Variants in POM121 observed in about 807,000 individuals in gnomAD.
The protein encoded by POM121 is POM121 transmembrane nucleoporin, also known as nuclear envelope pore membrane protein POM 121.
A neutral mutation model predicts 81.3 loss-of-function variants in POM121; 32 were observed. The observed-to-expected ratio is 0.39, with a 90% CI of 0.30 to 0.53. The LOEUF is 0.53. Among genes scored for constraint, POM121 ranks in the 20% least tolerant of loss-of-function variants. POM121 has a pLI of 0.66. For missense variants in POM121, 1,138 were observed against 1,614.6 expected, an observed-to-expected ratio of 0.70 and a Z score of 5.06; for synonymous variants, 514 against 694.2, an observed-to-expected ratio of 0.74 and a Z score of 4.08.
chr7:72,946,527 C>G lies in POM121; in HGVS notation c.*293C>G. ...ACACCTGTACATAGTGTCCGCTGCC[C>G]TGACTCCCGCTTAGCACACCCTTAG... On this transcript the variant is annotated 3_prime_UTR_variant, in exon 13 of 13. Coordinates refer to ENST00000434423, the MANE Select transcript of POM121 (RefSeq NM_001387691.1). 1 of 1,155,502 alleles carries G rather than the reference C, an allele frequency of 8.7e-7. No homozygotes were observed. The highest frequency in any genetic ancestry group is 1.1e-6 in the Non-Finnish European group (1 of 936,194). 71.6% of individuals were successfully genotyped at this position (1,155,502 alleles called of 1,614,324 possible).
At chr7:72,921,634 ACT>A (rs1794826008), upstream of POM121, among the ~76,000 whole-genome samples, 1 of 152,272 alleles carries the variant, frequency 6.6e-6, no homozygotes, top group African/African-American at 2.4e-5. Flanking sequence ...GCCAAGTTGT[ACT>A]GTTTTATATA....
intron 4 of POM121, 109 bp downstream of exon 4, chr7:72,928,574 C>G: frequency 7.5e-7 from 1 of 1,330,928 alleles, no homozygotes; most frequent in Non-Finnish European, 1.1e-6. Context: ...TTAATTGGTT[C>G]AGGTTCACGT....
intron 11 of POM121, among the ~76,000 whole-genome samples, chr7:72,945,194 G>A (rs1797550507): frequency 6.6e-6 from 1 of 152,174 alleles, no homozygotes; most frequent in African/African-American, 2.4e-5. Context: ...GACGCGGGAC[G>A]GACAAACCAG....
rs532238690 is a variant in POM121 at position 72,882,844 on chromosome 7, T to A, written c.-521+2959T>A. On this transcript the variant is annotated intron_variant, in intron 1 of 15. Transcript: ENST00000395270. ...ACTTTGCTAAGTCAGTCAGTAAAGG[T>A]GACCAGTGATTTAATTGCAGTCAAA... Among the ~76,000 whole-genome samples, 103 of 152,316 alleles carry A rather than the reference T, an allele frequency of 6.8e-4. 1 individual carries two copies. Among genetic ancestry groups the A allele is most frequent in the Admixed American group, 5.1e-3 (78 of 15,298 alleles).
chr7:72,943,555 C>T lies in POM121; in HGVS notation c.3529+33C>T, dbSNP rs782755694. The T allele has an allele frequency of 1.9e-5, 30 of 1,596,610 alleles. 2 individuals are homozygous for T. The South Asian group carries it at 2.2e-4, about 11-fold the overall frequency. On this transcript the variant is annotated intron_variant, in intron 11 of 12. Transcript: ENST00000434423. ...GGGGCGTGGACTTGGGCTACCGGGC[C>T]GGACACTGAAAAGCTGTGCCTGCGA... is the stretch of plus-strand genomic sequence containing the variant.
chr7:72,937,293 T>TG (rs2129579389), intron 5 of POM121, among the ~76,000 whole-genome samples: 2 of 152,290 alleles, frequency 1.3e-5, no homozygotes, highest in South Asian at 4.1e-4. Flanking sequence ...AGCCGTCCTT[T>TG]GAGAACCAGT....
intron 1 of POM121, among the ~76,000 whole-genome samples, chr7:72,880,860 T>A (rs1307183925): frequency 7.0e-6 from 1 of 142,972 alleles, no homozygotes; most frequent in Middle Eastern, 3.2e-3. Flanking sequence ...CACTCCAGCC[T>A]GGGTGGCAGA....
At chr7:72,924,932 G>A, upstream of POM121, 1 of 1,067,594 alleles carries the variant, frequency 9.4e-7, no homozygotes, top group Non-Finnish European at 1.2e-6. Flanking sequence ...GAGCCACGCG[G>A]AAAACCTCAA....
At chr7:72,907,606 GT>G (rs1273705830) in intron 3 of POM121, among the ~76,000 whole-genome samples, 1 of 151,936 alleles carries the variant, frequency 6.6e-6, no homozygotes, top group African/African-American at 2.4e-5. Flanking sequence ...CACCTCCCTG[GT>G]TCAAGTGATT....
At chr7:72,938,221 ATTTTC>A (rs568711478) in intron 5 of POM121, among the ~76,000 whole-genome samples, 201 of 143,832 alleles carry the variant, frequency 1.4e-3, no homozygotes, top group African/African-American at 4.2e-3. Flanking sequence ...AATTTTTTTC[ATTTTC>A]TTTTCTTTTT....
downstream of POM121, chr7:72,949,274 A>G: frequency 1.2e-6 from 1 of 837,922 alleles, no homozygotes; most frequent in Non-Finnish European, 2.1e-6. Context: ...GCTGCTGTGG[A>G]CCTCTGAGTC....
At chr7:72,924,070 C>T (rs1265209499), upstream of POM121, among the ~76,000 whole-genome samples, 1 of 151,868 alleles carries the variant, frequency 6.6e-6, no homozygotes, top group Non-Finnish European at 1.5e-5. Flanking sequence ...CTCAGCCTCC[C>T]AAGTTGCTGG....
At chr7:72,932,730 C>T (rs1163526222) in intron 5 of POM121, among the ~76,000 whole-genome samples, 14 of 152,106 alleles carry the variant, frequency 9.2e-5, no homozygotes, top group Non-Finnish European at 1.9e-4. Context: ...TATTGTAGCT[C>T]TGGGCTTTTA....
chr7:72,949,768 C>G, downstream of POM121: 1 of 907,086 alleles, frequency 1.1e-6, no homozygotes, highest in Non-Finnish European at 1.9e-6. Context: ...AAGCGAAAGT[C>G]ATCCTTTCAG....
chr7:72,880,152 C>T (rs1554489068), intron 1 of POM121, among the ~76,000 whole-genome samples: 1 of 152,198 alleles, frequency 6.6e-6, no homozygotes, highest in African/African-American at 2.4e-5. Context: ...AGTCCTTCCT[C>T]CTCCTCTCTG....
chr7:72,894,407 G>A (rs1791642094), intron 3 of POM121, among the ~76,000 whole-genome samples: 1 of 151,748 alleles, frequency 6.6e-6, no homozygotes, highest in African/African-American at 2.4e-5. Context: ...GTGAAACCCC[G>A]TCTCTACTAA....
intron 3 of POM121, among the ~76,000 whole-genome samples, chr7:72,897,468 C>T (rs782436635): frequency 6.6e-6 from 1 of 152,168 alleles, no homozygotes; most frequent in Non-Finnish European, 1.5e-5. Context: ...AGTCATGTCA[C>T]GCCCTGGTGA....
intron 4 of POM121, among the ~76,000 whole-genome samples, chr7:72,929,079 A>G (rs1795762985): frequency 6.6e-6 from 1 of 152,188 alleles, no homozygotes; most frequent in Non-Finnish European, 1.5e-5. Context: ...ACGGAAATTC[A>G]TTCCCAGTGA....
chr7:72,902,440 C>G (rs568274286), intron 3 of POM121, among the ~76,000 whole-genome samples: 1 of 151,230 alleles, frequency 6.6e-6, no homozygotes, highest in African/African-American at 2.4e-5. Flanking sequence ...TTTTTGTATA[C>G]TTTTCAGCTT....
Sources: gnomAD v4.1 joint callset for allele counts (sites outside exome capture counted in the v4.1 genomes callset) on GRCh38, gnomAD v4.1.1 for gene constraint, MANE v1.5 for transcripts, NCBI Gene and HGNC (gene_info 2026-07-23, HGNC 2026-07-21) for gene names.